SLC5A2: variants seen among roughly 807,000 people sequenced by gnomAD.
The protein encoded by SLC5A2 is solute carrier family 5 member 2, also known as sodium/glucose cotransporter 2.
In SLC5A2, 67 loss-of-function variants were observed where a neutral mutation model predicts 69.0. The ratio of observed to expected loss-of-function variants is 0.97; its 90% CI spans 0.80 to 1.19. The LOEUF is 1.19. Ranked by LOEUF, SLC5A2 falls within the 50% of genes most tolerant of loss-of-function variation. The pLI is 0.00. For synonymous variants in SLC5A2, 455 were observed against 395.8 expected (o/e 1.15, Z -1.78); for missense variants, 1,001 against 921.5 (o/e 1.09, Z -1.12).
Position 31,489,016 on chromosome 16 carries a change from C to A in SLC5A2, c.1417C>A (p.Leu473Met), listed in dbSNP as rs1426433916. Reference protein sequence around the residue: ...LAPPVSAVFVLALFVPRVNEQ... With the variant: ...LAPPVSAVFVMALFVPRVNEQ... ...ACCGCCCGTGTCCGCCGTCTTCGTG[C>A]TGGCGCTCTTCGTGCCGCGCGTTAA... is the stretch of plus-strand genomic sequence containing the variant. Residue 473 changes from leucine (L) to methionine (M), a missense_variant, in exon 11 of 14, where the codon CTG becomes ATG. Leu to Met is a conservative substitution (Grantham distance 15, BLOSUM62 2). Transcript: ENST00000330498. 4.4e-6 allele frequency: 7 copies of A among 1,600,506 alleles called. No homozygotes were observed. The South Asian group carries it at 7.7e-5, about 18-fold the overall frequency.
Position 31,485,342 on chromosome 16 carries a change from G to C in SLC5A2, c.304-387G>C, listed in dbSNP as rs1239390496. ...GGACTGAGGCTCCTGTTGGAGGGGA[G>C]ATTGGGCTTTGAGCTCAGGGCTTCC... On this transcript the variant is annotated intron_variant, in intron 3 of 13. Transcript: ENST00000330498. 3 of 444,648 alleles carry C rather than the reference G, an allele frequency of 6.7e-6. No individual in the cohort carries two copies. In the Admixed American group the frequency reaches 1.1e-4, roughly 16 times the overall value. The allele number at this position is 444,648 out of a possible 1,614,324, so 27.5% of individuals were successfully genotyped here.
At chr16:31,487,856 G>A (rs2082511473) in intron 7 of SLC5A2, 97 bp downstream of exon 7, 23 of 1,413,732 alleles carry the variant, frequency 1.6e-5, no homozygotes, top group Non-Finnish European at 2.2e-5. Context: ...GGTCTAAGGC[G>A]CAGTCTGAGG....
Position 31,489,336 on chromosome 16 carries a change from C to T in SLC5A2, c.1663C>T (p.His555Tyr). The T allele has an allele frequency of 1.2e-6, 2 of 1,607,362 alleles. No homozygotes were observed. The highest frequency in any genetic ancestry group is 8.5e-7 in the Non-Finnish European group (1 of 1,179,834). The change falls in exon 12 of 14, where the codon CAC becomes TAC. Residue 555 changes from histidine to tyrosine, a missense_variant and splice_region_variant. Coordinates refer to ENST00000330498, the MANE Select transcript of SLC5A2 (RefSeq NM_003041.4). The part of the protein sequence containing the change: ...SLCTAPIPRK[H>Y]LHRLVFSLRH... ...GTGCACCGCGCCCATCCCCAGAAAG[C>T]ACGTGAGTGGCCAGGTGCCCCAGGC...
chr16:31,488,560 C>T, intron 9 of SLC5A2, 62 bp from the exon 10 acceptor site: 4 of 1,605,148 alleles, frequency 2.5e-6, no homozygotes, highest in East Asian at 2.2e-5. Flanking sequence ...TCGTCCCTCG[C>T]GCAGCTGCAG....
At chr16:31,486,149 G>A (rs1197762523) in intron 4 of SLC5A2, 21 bp from the exon 5 acceptor site, 2 of 1,585,096 alleles carry the variant, frequency 1.3e-6, no homozygotes, top group African/African-American at 1.3e-5. Flanking sequence ...GTCCTGACCT[G>A]GCACTTGCTT....
Position 31,488,660 on chromosome 16 carries a change from C to G in SLC5A2, c.1168C>G (p.Leu390Val). ...GLMLAVMLAA[L>V]MSSLASIFNS... ...CATGCTGGCGGTCATGCTGGCCGCG[C>G]TCATGTCCTCGCTGGCCTCCATCTT... Residue 390 changes from leucine to valine, a missense_variant, in exon 10 of 14, where the codon CTC becomes GTC. Transcript: ENST00000330498. 2 of 1,612,468 alleles carry G rather than the reference C, an allele frequency of 1.2e-6. No homozygotes were observed. Among genetic ancestry groups the G allele is most frequent in the Non-Finnish European group, 1.7e-6 (2 of 1,179,558 alleles).
In SLC5A2 at chr16:31,488,922, TC is replaced by T. The variant is rs2082528462; in HGVS notation, c.1326del (p.Val443TrpfsTer52). ...FIVVVSVAWL[P>X]VVQAAQGGQL... ...TCGTGGTAGTGTCGGTGGCCTGGCT[TC>T]CCGTGGTGCAGGCGGCACAGGGCGG... is the stretch of plus-strand genomic sequence containing the variant. On this transcript the variant is annotated frameshift_variant, in exon 11 of 14. Coordinates refer to ENST00000330498, the MANE Select transcript of SLC5A2 (RefSeq NM_003041.4). LOFTEE classifies it high-confidence loss of function. 3 of 1,605,032 alleles carry T rather than the reference TC, an allele frequency of 1.9e-6. 1 individual carries two copies. The South Asian group carries it at 3.3e-5, about 18-fold the overall frequency.
intron 5 of SLC5A2, 74 bp from the exon 6 acceptor site, chr16:31,487,246 C>A: frequency 7.1e-7 from 1 of 1,401,432 alleles, no homozygotes; most frequent in Non-Finnish European, 1.0e-6. Context: ...CAAATTCCCA[C>A]AAAGACGCCT....
At chr16:31,486,795 C>A (rs989117147) in intron 5 of SLC5A2, among the ~76,000 whole-genome samples, 2 of 152,242 alleles carry the variant, frequency 1.3e-5, no homozygotes, top group Non-Finnish European at 2.9e-5. Context: ...GCCTGTAATC[C>A]CAGCACTTTG....
At chr16:31,489,360 G>T in intron 12 of SLC5A2, 22 bp downstream of exon 12, 1 of 1,598,796 alleles carries the variant, frequency 6.3e-7, no homozygotes, top group Non-Finnish European at 8.5e-7. Context: ...GGTGCCCCAG[G>T]CAAGCACTGT....
chr16:31,489,077 G>A (rs1226999004), intron 11 of SLC5A2, 29 bp downstream of exon 11: 3 of 1,603,100 alleles, frequency 1.9e-6, no homozygotes, highest in Non-Finnish European at 2.5e-6. Flanking sequence ...GTGACGGCAG[G>A]GCTGGGCTTG....
At position 31,490,321 on chromosome 16, in the gene SLC5A2, C is replaced by G. The variant is rs61746400; in HGVS notation, c.1805C>G (p.Pro602Arg). Reference sequence around the variant, plus strand: ...CAATTTCCCTCAGAGCCCCAGGCCCCGGCACCAAGCCTCTTCCGCCAGTGC... The same window carrying G: ...CAATTTCCCTCAGAGCCCCAGGCCCGGGCACCAAGCCTCTTCCGCCAGTGC... ...SAMEMNEPQA[P>R]APSLFRQCLL... The change falls in exon 14 of 14, where the codon CCG (proline) becomes CGG (arginine). Residue 602 changes from proline (P) to arginine (R), a missense_variant. Coordinates refer to ENST00000330498, the MANE Select transcript of SLC5A2 (RefSeq NM_003041.4). 4 of 1,611,982 alleles carry G rather than the reference C, an allele frequency of 2.5e-6. No homozygotes were observed. The highest frequency in any genetic ancestry group is 3.4e-6 in the Non-Finnish European group (4 of 1,179,244).
intron 1 of SLC5A2, among the ~76,000 whole-genome samples, chr16:31,484,149 C>T (rs2082476195): frequency 6.6e-6 from 1 of 151,766 alleles, no homozygotes; most frequent in Non-Finnish European, 1.5e-5. Flanking sequence ...CTTTGGGAGG[C>T]TGAGGCAGGT....
chr16:31,487,334 C>G lies in SLC5A2; in HGVS notation c.589C>G (p.Leu197Val). The change falls in exon 6 of 14, where the codon CTG becomes GTG. Residue 197 changes from leucine (L) to valine (V), a missense_variant. Transcript: ENST00000330498. ...IYTVTGGLAA[L>V]MYTDTVQTFV... Reference sequence around the variant, plus strand: ...GCCTGTTGCAGGAGGGCTGGCCGCGCTGATGTACACGGACACGGTACAGAC... The same window carrying G: ...GCCTGTTGCAGGAGGGCTGGCCGCGGTGATGTACACGGACACGGTACAGAC... 6.2e-7 allele frequency: 1 copy of G among 1,613,944 alleles called. No individual in the cohort carries two copies. The highest frequency in any genetic ancestry group is 1.7e-5 in the Admixed American group (1 of 60,026).
rs757410874 is a variant in SLC5A2, at chr16:31,488,972, C to A, written c.1373C>A (p.Ala458Glu). The change falls in exon 11 of 14, where the codon GCA becomes GAA. Residue 458 changes from alanine to glutamate, a missense_variant. Physicochemically the swap from Ala to Glu is moderately radical, Grantham distance 107 (BLOSUM62 -1). Transcript: ENST00000330498. ...QGGQLFDYIQAVSSYLAPPVS... is the reference protein window; with the variant it reads ...QGGQLFDYIQEVSSYLAPPVS... ...GGGCAGCTCTTCGATTACATCCAGG[C>A]AGTCTCTAGCTACCTGGCACCGCCC... The A allele has an allele frequency of 8.1e-6, 13 of 1,601,882 alleles. No homozygotes were observed. Among genetic ancestry groups the A allele is most frequent in the East Asian group, 2.2e-5 (1 of 44,884 alleles).
intron 1 of SLC5A2, among the ~76,000 whole-genome samples, chr16:31,484,227 TACACACAC>T (rs537221545): frequency 1.4e-5 from 2 of 139,750 alleles, no homozygotes; most frequent in East Asian, 2.0e-4. Context: ...TCTACTAAAA[TACACACAC>T]ACACACACAC....
At position 31,483,126 on chromosome 16, in the gene SLC5A2, T is replaced by A. The variant is rs779509561; in HGVS notation, c.-11T>A. On this transcript the variant is annotated 5_prime_UTR_variant, in exon 1 of 14. Coordinates refer to ENST00000330498, the MANE Select transcript of SLC5A2 (RefSeq NM_003041.4). ...GGGGCTGGTTCCTGGATGGGGCAGA[T>A]CCTGGGGAGAATGGAGGAGCACACA... 1 of 1,613,682 alleles carries A rather than the reference T, an allele frequency of 6.2e-7. No homozygotes were observed.
At position 31,488,913 on chromosome 16, in the gene SLC5A2, G is replaced by T. The variant is rs756442434; in HGVS notation, c.1314G>T (p.Val438=). ...LWVVFIVVVS[V]AWLPVVQAAQ... ...TGGTGTTCATCGTGGTAGTGTCGGTGGCCTGGCTTCCCGTGGTGCAGGCGG... is the reference window on the plus strand; with the variant it reads ...TGGTGTTCATCGTGGTAGTGTCGGTTGCCTGGCTTCCCGTGGTGCAGGCGG... The change falls in exon 11 of 14, where the codon GTG becomes GTT. Residue 438 remains valine, a synonymous_variant. Coordinates refer to ENST00000330498, the MANE Select transcript of SLC5A2 (RefSeq NM_003041.4). 1.2e-6 allele frequency: 2 copies of T among 1,605,346 alleles called. No individual in the cohort carries two copies. The highest frequency in any genetic ancestry group is 1.7e-6 in the Non-Finnish European group (2 of 1,179,880).
In SLC5A2 at chr16:31,488,625, T is replaced by C. The variant is rs939909045; in HGVS notation, c.1133T>C (p.Leu378Pro). 6 of 1,610,878 alleles carry C rather than the reference T, an allele frequency of 3.7e-6. No homozygotes were observed. The highest frequency in any genetic ancestry group is 1.7e-5 in the Admixed American group (1 of 59,928). ...CACGGCTGCCGTCGGCCCGCAGGTCTGCGCGGACTCATGCTGGCGGTCATG... is the reference window on the plus strand; with the variant it reads ...CACGGCTGCCGTCGGCCCGCAGGTCCGCGCGGACTCATGCTGGCGGTCATG... ...RLVVKLMPNG[L>P]RGLMLAVMLA... is the part of the protein sequence containing the mutation. The change falls in exon 10 of 14, where the codon CTG becomes CCG. Residue 378 changes from leucine (L) to proline (P), a missense_variant. Physicochemically the swap from Leu to Pro is moderately conservative, Grantham distance 98. Transcript: ENST00000330498.
Sources: gnomAD v4.1 joint callset for allele counts (sites outside exome capture counted in the v4.1 genomes callset) on GRCh38, gnomAD v4.1.1 for gene constraint, MANE v1.5 for transcripts, NCBI Gene and HGNC (gene_info 2026-07-23, HGNC 2026-07-21) for gene names.